Variants in RAP1GDS1 observed in about 807,000 individuals in gnomAD.
RAP1GDS1 encodes Rap1 GTPase-GDP dissociation stimulator 1.
In RAP1GDS1, 35 loss-of-function variants were observed where a neutral mutation model predicts 71.1. That is an observed-to-expected ratio of 0.49 (90% CI 0.38 to 0.65). RAP1GDS1 has a LOEUF of 0.65. RAP1GDS1 is among the 30% of genes least tolerant of loss of function. The pLI, the probability that RAP1GDS1 is intolerant of heterozygous loss-of-function variation, is 0.00. For synonymous variants in RAP1GDS1, 229 were observed against 243.1 expected (o/e 0.94, Z 0.54); for missense variants, 663 against 706.1 (o/e 0.94, Z 0.69).
chr4:98,406,818 C>G (rs899317671), intron 7 of RAP1GDS1, among the ~76,000 whole-genome samples: 4 of 151,754 alleles, frequency 2.6e-5, no homozygotes, highest in Non-Finnish European at 5.9e-5. Flanking sequence ...GTCTAGTAAC[C>G]AATTATAAAA....
chr4:98,417,645 T>C (rs1748214542), intron 9 of RAP1GDS1, 147 bp downstream of exon 9: 1 of 717,118 alleles, frequency 1.4e-6, no homozygotes, highest in African/African-American at 1.8e-5. Context: ...AAATCTGAAA[T>C]ACTTAGTGAC....
chr4:98,343,422 A>G (rs1578515518), intron 3 of RAP1GDS1, 161 bp downstream of exon 3: 11 of 874,174 alleles, frequency 1.3e-5, no homozygotes, highest in South Asian at 4.8e-5. Context: ...TTAAATGGCT[A>G]TAGTTACAGT....
At chr4:98,429,256 C>CAA (rs1226326098) in intron 12 of RAP1GDS1, among the ~76,000 whole-genome samples, 1,774 of 68,300 alleles carry the variant, frequency 0.026, 17 homozygotes, top group African/African-American at 0.037. Context: ...AGACGTGTCT[C>CAA]AAAAAAAAAA....
chr4:98,341,109 CT>C (rs1205740504), intron 2 of RAP1GDS1, among the ~76,000 whole-genome samples: 1 of 152,096 alleles, frequency 6.6e-6, no homozygotes, highest in African/African-American at 2.4e-5. Context: ...TTGTTCTTTA[CT>C]TTTTTATGTC....
intron 14 of RAP1GDS1, among the ~76,000 whole-genome samples, chr4:98,439,129 C>CA (rs1335946328): frequency 1.3e-5 from 2 of 151,676 alleles, no homozygotes; most frequent in Non-Finnish European, 1.5e-5. Flanking sequence ...GATTTTTAGC[C>CA]AAAAAAAATT....
chr4:98,276,701 A>G (rs1252709119), intron 1 of RAP1GDS1, among the ~76,000 whole-genome samples: 1 of 152,202 alleles, frequency 6.6e-6, no homozygotes, highest in Non-Finnish European at 1.5e-5. Context: ...CTAAGGATAC[A>G]GAAGGAAATG....
At chr4:98,410,491 C>G (rs1746888854) in intron 7 of RAP1GDS1, among the ~76,000 whole-genome samples, 1 of 152,034 alleles carries the variant, frequency 6.6e-6, no homozygotes, top group East Asian at 1.9e-4. Flanking sequence ...AGCAATAGAT[C>G]CAACAATTCT....
At chr4:98,402,272 A>G (rs893764174) in intron 6 of RAP1GDS1, among the ~76,000 whole-genome samples, 5 of 152,072 alleles carry the variant, frequency 3.3e-5, no homozygotes, top group African/African-American at 1.2e-4. Flanking sequence ...GAGTTTTGCC[A>G]TGTTGGCCAG....
At chr4:98,281,990 G>A (rs542457933) in intron 1 of RAP1GDS1, among the ~76,000 whole-genome samples, 1 of 152,262 alleles carries the variant, frequency 6.6e-6, no homozygotes, top group South Asian at 2.1e-4. Context: ...GCTTTTTGAT[G>A]TGCTGCTGGA....
intron 4 of RAP1GDS1, among the ~76,000 whole-genome samples, chr4:98,365,056 ATTC>A (rs1344245121): frequency 6.6e-6 from 1 of 152,034 alleles, no homozygotes; most frequent in African/African-American, 2.4e-5. Context: ...GTGAATAAAC[ATTC>A]TTTATTATAT....
chr4:98,415,242 T>TA (rs1380689267), intron 7 of RAP1GDS1, among the ~76,000 whole-genome samples: 1 of 152,192 alleles, frequency 6.6e-6, no homozygotes, highest in Non-Finnish European at 1.5e-5. Flanking sequence ...AAATCACTGT[T>TA]ATTCTGTTTG....
chr4:98,437,117 A>T, intron 14 of RAP1GDS1, 49 bp downstream of exon 14: 1 of 1,471,458 alleles, frequency 6.8e-7, no homozygotes, highest in African/African-American at 1.4e-5. Flanking sequence ...GGTTCACATT[A>T]AATATTAAAT....
At chr4:98,269,221 A>T (rs1463680313) in intron 1 of RAP1GDS1, among the ~76,000 whole-genome samples, 1 of 151,044 alleles carries the variant, frequency 6.6e-6, no homozygotes, top group Non-Finnish European at 1.5e-5. Flanking sequence ...TGGGGACAGG[A>T]CAATCTCTTC....
At chr4:98,330,646 T>C (rs1161765830) in intron 2 of RAP1GDS1, among the ~76,000 whole-genome samples, 1 of 149,740 alleles carries the variant, frequency 6.7e-6, no homozygotes, top group Non-Finnish European at 1.5e-5. Context: ...GAGACGCTCC[T>C]CACTTCCTAG....
chr4:98,414,828 T>A (rs952611520), intron 7 of RAP1GDS1, among the ~76,000 whole-genome samples: 8 of 152,184 alleles, frequency 5.3e-5, no homozygotes, highest in African/African-American at 1.9e-4. Flanking sequence ...TTTCACGATA[T>A]TGATTCTTCC....
rs1325337195 is a variant in RAP1GDS1, at chr4:98,442,925, T to G, written c.*808T>G. ...CTCAGGAACTACTTCTACCAGTTAATCAGCATTATCCAGCACTTGTCTTTA... is the reference window on the plus strand; with the variant it reads ...CTCAGGAACTACTTCTACCAGTTAAGCAGCATTATCCAGCACTTGTCTTTA... On this transcript the variant is annotated 3_prime_UTR_variant, in exon 15 of 15. Coordinates refer to ENST00000408927, the MANE Select transcript of RAP1GDS1 (RefSeq NM_001100427.2). 1 of 230,090 alleles carries G rather than the reference T, an allele frequency of 4.3e-6. No homozygotes were observed. Among genetic ancestry groups the G allele is most frequent in the Non-Finnish European group, 8.6e-6 (1 of 116,182 alleles). 14.3% of individuals were successfully genotyped at this position (230,090 alleles called of 1,614,324 possible). A position where few individuals can be genotyped will look rare whatever the true frequency, so the allele number is the denominator to read the frequency against.
chr4:98,344,283 A>G lies in RAP1GDS1; in HGVS notation c.235+1022A>G, dbSNP rs73834441. 3.8e-3 allele frequency among the ~76,000 whole-genome samples: 580 copies of G among 152,266 alleles called. 6 individuals are homozygous for G. The highest frequency in any genetic ancestry group is 0.013 in the African/African-American group (555 of 41,560). ...TCTAAGAAGCAGATCTAGTTTGAAA[A>G]TGAATTCTTTCCAGACATTGCTTGT... On this transcript the variant is annotated intron_variant, in intron 3 of 14. Transcript: ENST00000408927.
intron 2 of RAP1GDS1, among the ~76,000 whole-genome samples, chr4:98,312,342 G>A (rs751035114): frequency 2.6e-5 from 4 of 152,068 alleles, no homozygotes; most frequent in Non-Finnish European, 5.9e-5. Flanking sequence ...AAGACTGGAA[G>A]ACACTTTTTA....
chr4:98,392,058 A>G lies in RAP1GDS1; in HGVS notation c.615A>G (p.Ala205=), dbSNP rs764715749. ...NAALTEMCLV[A]FGNLAELESS... The stretch of plus-strand genomic sequence containing the variant: ...CTCTTACAGAAATGTGTCTTGTTGC[A>G]TTTGGTAATTTAGCAGAACTTGGTA... Residue 205 remains alanine, a synonymous_variant, in exon 6 of 15, where the codon GCA becomes GCG. Transcript: ENST00000408927. The G allele has an allele frequency of 5.0e-6, 8 of 1,612,318 alleles. No individual in the cohort carries two copies. In the South Asian group the frequency reaches 8.8e-5, roughly 18 times the overall value.
Sources: gnomAD v4.1 joint callset for allele counts (sites outside exome capture counted in the v4.1 genomes callset) on GRCh38, gnomAD v4.1.1 for gene constraint, MANE v1.5 for transcripts, NCBI Gene and HGNC (gene_info 2026-07-23, HGNC 2026-07-21) for gene names.